CEP85L: variants seen among roughly 807,000 people sequenced by gnomAD.
CEP85L encodes centrosomal protein 85L.
In CEP85L, 60 loss-of-function variants were observed where a neutral mutation model predicts 100.3. That is an observed-to-expected ratio of 0.60 (90% CI 0.49 to 0.74). CEP85L has a LOEUF of 0.74. Ranked by LOEUF, CEP85L falls within the 30% of genes least tolerant of loss-of-function variation. The pLI is 0.00. For synonymous variants in CEP85L, 319 were observed against 322.7 expected, an observed-to-expected ratio of 0.99 and a Z score of 0.12; for missense variants, 973 against 936.2, an observed-to-expected ratio of 1.04 and a Z score of -0.51.
At chr6:118,595,508 C>T (rs1474503731) in intron 2 of CEP85L, among the ~76,000 whole-genome samples, 1 of 152,148 alleles carries the variant, frequency 6.6e-6, no homozygotes, top group African/African-American at 2.4e-5. Context: ...GTTTATCTCC[C>T]TGCAATTCTG....
intron 2 of CEP85L, among the ~76,000 whole-genome samples, chr6:118,599,462 TGA>T (rs1396143077): frequency 6.6e-6 from 1 of 152,102 alleles, no homozygotes. Flanking sequence ...AATAAATAAA[TGA>T]GAGAGAAGAG....
intron 10 of CEP85L, among the ~76,000 whole-genome samples, chr6:118,475,542 A>G (rs941959668): frequency 6.6e-6 from 1 of 151,596 alleles, no homozygotes; most frequent in Admixed American, 6.6e-5. Flanking sequence ...TTTAGTAGAG[A>G]TGGAAGTTTC....
At chr6:118,530,898 A>G (rs997593896) in intron 3 of CEP85L, among the ~76,000 whole-genome samples, 3 of 152,112 alleles carry the variant, frequency 2.0e-5, no homozygotes, top group African/African-American at 7.2e-5. Context: ...GCTCTGGATA[A>G]GAAAAATCAA....
rs985038020 is a variant in CEP85L, at chr6:118,461,180, C to T, written c.*4225G>A. On this transcript the variant is annotated 3_prime_UTR_variant, in exon 13 of 13. Transcript: ENST00000368491. Reference sequence around the variant, plus strand: ...GTGCTGTGCTTTTTAATGTAACCACCTAGCACCTTACTACTTCTTGTCATC... The same window carrying T: ...GTGCTGTGCTTTTTAATGTAACCACTTAGCACCTTACTACTTCTTGTCATC... The T allele has an allele frequency of 5.3e-5, 8 of 152,064 alleles. No homozygotes were observed. Among genetic ancestry groups the T allele is most frequent in the African/African-American group, 1.9e-4 (8 of 41,392 alleles). 9.4% of individuals were successfully genotyped at this position (152,064 alleles called of 1,614,324 possible). A position where few individuals can be genotyped will look rare whatever the true frequency, so the allele number is the denominator to read the frequency against.
intron 1 of CEP85L, among the ~76,000 whole-genome samples, chr6:118,684,899 A>G (rs923073370): frequency 6.6e-6 from 1 of 152,008 alleles, no homozygotes; most frequent in African/African-American, 2.4e-5. Flanking sequence ...TGATCCTCCC[A>G]CCTCGGCCTC....
At chr6:118,696,399 C>T (rs1421877319) in intron 1 of CEP85L, among the ~76,000 whole-genome samples, 1 of 151,840 alleles carries the variant, frequency 6.6e-6, no homozygotes, top group East Asian at 1.9e-4. Context: ...AATAAATTAA[C>T]CTGCCTCCCT....
At chr6:118,642,440 AAGT>A (rs1774937938) in intron 1 of CEP85L, among the ~76,000 whole-genome samples, 1 of 152,260 alleles carries the variant, frequency 6.6e-6, no homozygotes, top group Non-Finnish European at 1.5e-5. Context: ...GGCCAGAAGA[AAGT>A]AAGAATCAAG....
chr6:118,599,713 A>T (rs1781626743), intron 2 of CEP85L, among the ~76,000 whole-genome samples: 1 of 132,364 alleles, frequency 7.6e-6, no homozygotes, highest in Non-Finnish European at 1.8e-5. Flanking sequence ...ATGATGTCGA[A>T]TTATTATTAT....
intron 1 of CEP85L, among the ~76,000 whole-genome samples, chr6:118,639,577 G>T (rs1583209853): frequency 6.6e-6 from 1 of 152,230 alleles, no homozygotes; most frequent in South Asian, 2.1e-4. Context: ...ATTCCTCCAG[G>T]TGGCATTAAA....
chr6:118,657,508 T>A (rs959245649), upstream of CEP85L, among the ~76,000 whole-genome samples: 3 of 152,184 alleles, frequency 2.0e-5, no homozygotes, highest in African/African-American at 7.2e-5. Context: ...TAGTCTCTGC[T>A]ACTCTGGAGG....
intron 1 of CEP85L, among the ~76,000 whole-genome samples, chr6:118,687,754 G>A (rs1234196191): frequency 7.2e-5 from 11 of 152,234 alleles, no homozygotes; most frequent in Middle Eastern, 3.4e-3. Flanking sequence ...TTTGCTCGCC[G>A]TCCACCACTG....
At position 118,534,950 on chromosome 6, in the gene CEP85L, GC is replaced by G. The variant is rs537778282; in HGVS notation, c.1021-11031del. On this transcript the variant is annotated intron_variant, in intron 3 of 12. Transcript: ENST00000368491. ...CACAAGAATGGCTTGAACCTGGGAG[GC>G]AGAAGTTGCAGTGAACAACTGCAGT... Among the ~76,000 whole-genome samples the G allele has an allele frequency of 1.3e-3, 198 of 152,250 alleles. 1 individual carries two copies. Among genetic ancestry groups the G allele is most frequent in the African/African-American group, 4.6e-3 (193 of 41,548 alleles).
At chr6:118,589,185 A>C in intron 2 of CEP85L, 1 of 245,528 alleles carries the variant, frequency 4.1e-6, no homozygotes. Flanking sequence ...GAGTGGGGAA[A>C]GCTGAAAAAC....
chr6:118,536,632 C>CTCA (rs1777610363), intron 3 of CEP85L, among the ~76,000 whole-genome samples: 1 of 152,112 alleles, frequency 6.6e-6, no homozygotes, highest in African/African-American at 2.4e-5. Context: ...AAGTTCCTAT[C>CTCA]TCATCATCAC....
chr6:118,481,640 G>A (rs1303128994), intron 8 of CEP85L, 139 bp downstream of exon 8: 5 of 487,192 alleles, frequency 1.0e-5, no homozygotes, highest in Non-Finnish European at 1.7e-5. Context: ...GTCACAGGCA[G>A]TTTGGATAAG....
intron 1 of CEP85L, among the ~76,000 whole-genome samples, chr6:118,649,682 G>T (rs1268461225): frequency 6.6e-6 from 1 of 151,888 alleles, no homozygotes; most frequent in African/African-American, 2.4e-5. Flanking sequence ...TGAATAATCT[G>T]TAAACTCGGG....
intron 3 of CEP85L, 32 bp downstream of exon 3, chr6:118,565,497 G>C: frequency 6.2e-7 from 1 of 1,602,232 alleles, no homozygotes; most frequent in Non-Finnish European, 8.5e-7. Flanking sequence ...ACATCCACTG[G>C]AGGGAAGCAA....
At chr6:118,687,995 G>T (rs148425396) in intron 1 of CEP85L, among the ~76,000 whole-genome samples, 4 of 152,196 alleles carry the variant, frequency 2.6e-5, no homozygotes, top group African/African-American at 9.6e-5. Context: ...AACACTCACC[G>T]CATGGCCCAA....
chr6:118,528,790 G>A (rs952002380), intron 3 of CEP85L, among the ~76,000 whole-genome samples: 16 of 152,048 alleles, frequency 1.1e-4, no homozygotes, highest in Admixed American at 2.0e-4. Context: ...TGAAGTTATA[G>A]AATGGAATTT....
Sources: gnomAD v4.1 joint callset for allele counts (sites outside exome capture counted in the v4.1 genomes callset) on GRCh38, gnomAD v4.1.1 for gene constraint, MANE v1.5 for transcripts, NCBI Gene and HGNC (gene_info 2026-07-23, HGNC 2026-07-21) for gene names.